Variants in AHI1 observed in about 807,000 individuals in gnomAD.
AHI1 encodes the protein jouberin.
A neutral mutation model predicts 149.3 loss-of-function variants in AHI1; 123 were observed. The observed-to-expected ratio is 0.82, with a 90% confidence interval of 0.71 to 0.96. The LOEUF is 0.96. AHI1 is among the 40% of genes least tolerant of loss of function. The pLI, the probability that AHI1 is intolerant of heterozygous loss-of-function variation, is 0.00. For missense variants in AHI1, 1,439 were observed against 1,422.7 expected (o/e 1.01, Z -0.18); for synonymous variants, 475 against 459.8 (o/e 1.03, Z -0.42).
At chr6:135,354,150 T>C (rs1269019022) in intron 24 of AHI1, among the ~76,000 whole-genome samples, 1 of 152,170 alleles carries the variant, frequency 6.6e-6, no homozygotes, top group Non-Finnish European at 1.5e-5. Flanking sequence ...AAAATCCATT[T>C]GCTAAAAGAA....
At chr6:135,469,157 C>T (rs1180578607) in intron 5 of AHI1, among the ~76,000 whole-genome samples, 1 of 152,174 alleles carries the variant, frequency 6.6e-6, no homozygotes, top group East Asian at 1.9e-4. Flanking sequence ...AAAGCTTATC[C>T]ACCACCATCA....
intron 24 of AHI1, among the ~76,000 whole-genome samples, chr6:135,331,674 T>C (rs1389819487): frequency 6.6e-6 from 1 of 152,204 alleles, no homozygotes; most frequent in East Asian, 1.9e-4. Context: ...CAATAATTGA[T>C]GTTCGTAATA....
intron 23 of AHI1, among the ~76,000 whole-genome samples, chr6:135,381,802 C>G (rs922266727): frequency 6.6e-6 from 1 of 152,200 alleles, no homozygotes; most frequent in Non-Finnish European, 1.5e-5. Context: ...GCTGGACTCC[C>G]CAGATAGACT....
At position 135,448,117 on chromosome 6, in the gene AHI1, A is replaced by C. The variant is rs181158062; in HGVS notation, c.1626+173T>G. Reference sequence around the variant, plus strand: ...TACTAAAAGCCACATTTCACATTTAAAATTCATTTAAGCATCTTTTAAATA... The same window carrying C: ...TACTAAAAGCCACATTTCACATTTACAATTCATTTAAGCATCTTTTAAATA... On this transcript the variant is annotated intron_variant, in intron 12 of 28. Transcript: ENST00000265602. Among the ~76,000 whole-genome samples, 4 of 152,350 alleles carry C rather than the reference A, an allele frequency of 2.6e-5. No homozygotes were observed. In the East Asian group the frequency reaches 7.7e-4, roughly 29 times the overall value.
chr6:135,341,840 A>G (rs557640277), intron 24 of AHI1, among the ~76,000 whole-genome samples: 1 of 152,090 alleles, frequency 6.6e-6, no homozygotes, highest in South Asian at 2.1e-4. Context: ...ATAGCTGTAA[A>G]TGTTTTTATT....
chr6:135,464,868 G>A (rs1790491660), intron 7 of AHI1, among the ~76,000 whole-genome samples: 1 of 152,198 alleles, frequency 6.6e-6, no homozygotes, highest in Non-Finnish European at 1.5e-5. Flanking sequence ...TGCAACCTGT[G>A]ATTGACAGAG....
intron 5 of AHI1, among the ~76,000 whole-genome samples, chr6:135,489,361 T>C (rs547506097): frequency 1.3e-5 from 2 of 152,188 alleles, no homozygotes; most frequent in Non-Finnish European, 2.9e-5. Context: ...CCATTTAATT[T>C]AAACCTTGGT....
At chr6:135,421,580 G>A (rs758445193) in intron 20 of AHI1, among the ~76,000 whole-genome samples, 1 of 151,844 alleles carries the variant, frequency 6.6e-6, no homozygotes, top group Non-Finnish European at 1.5e-5. Context: ...GAATGCCAGC[G>A]CTCTCTTACT....
At chr6:135,300,325 C>CAAA (rs557417336) in intron 27 of AHI1, among the ~76,000 whole-genome samples, 175 bp downstream of exon 27, 1 of 65,908 alleles carries the variant, frequency 1.5e-5, no homozygotes, top group African/African-American at 5.8e-5. Flanking sequence ...ACTCTGTCTC[C>CAAA]AAAAAAAAAA....
chr6:135,465,774 T>C, intron 7 of AHI1, 40 bp downstream of exon 7: 8 of 1,413,070 alleles, frequency 5.7e-6, no homozygotes, highest in Non-Finnish European at 7.5e-6. Flanking sequence ...TAACAGTGTT[T>C]TTCTAAGAGG....
At chr6:135,396,796 T>TA (rs1779276212) in intron 22 of AHI1, among the ~76,000 whole-genome samples, 1 of 151,630 alleles carries the variant, frequency 6.6e-6, no homozygotes, top group South Asian at 2.1e-4. Flanking sequence ...GATATATCTA[T>TA]ATACACACAC....
At chr6:135,414,563 C>T (rs1023703919) in intron 20 of AHI1, among the ~76,000 whole-genome samples, 2 of 151,858 alleles carry the variant, frequency 1.3e-5, no homozygotes, top group Non-Finnish European at 2.9e-5. Context: ...ACACAAAACA[C>T]AAAGAAATCT....
At chr6:135,330,703 C>T (rs909478423) in intron 24 of AHI1, among the ~76,000 whole-genome samples, 12 of 152,118 alleles carry the variant, frequency 7.9e-5, no homozygotes, top group East Asian at 1.9e-4. Context: ...TGCCGGCAGC[C>T]GAATCTAACC....
intron 23 of AHI1, among the ~76,000 whole-genome samples, chr6:135,378,688 A>G (rs1032964396): frequency 6.6e-6 from 1 of 152,232 alleles, no homozygotes; most frequent in African/African-American, 2.4e-5. Context: ...ATAGATTAAC[A>G]TAGATTTAAC....
At chr6:135,311,072 C>T (rs926441384) in intron 26 of AHI1, among the ~76,000 whole-genome samples, 12 of 151,870 alleles carry the variant, frequency 7.9e-5, no homozygotes, top group African/African-American at 2.7e-4. Flanking sequence ...GAGGCTGAGG[C>T]GCGCAGATCA....
intron 26 of AHI1, chr6:135,302,844 G>A: frequency 1.6e-6 from 2 of 1,287,668 alleles, no homozygotes; most frequent in Non-Finnish European, 1.0e-6. Flanking sequence ...CCCCAAGGCT[G>A]GTGTTCAATC....
intron 8 of AHI1, 36 bp from the exon 9 acceptor site, chr6:135,457,749 A>C: frequency 6.4e-7 from 1 of 1,563,904 alleles, no homozygotes. Flanking sequence ...TGTTATAATT[A>C]GTTGTTCCCA....
chr6:135,343,678 A>G (rs1210809174), intron 24 of AHI1, among the ~76,000 whole-genome samples: 1 of 151,366 alleles, frequency 6.6e-6, no homozygotes, highest in Non-Finnish European at 1.5e-5. Flanking sequence ...AAAAACCCCC[A>G]CTTTTTTCAA....
intron 9 of AHI1, 105 bp from the exon 10 acceptor site, chr6:135,456,031 T>C: frequency 1.4e-6 from 1 of 711,154 alleles, no homozygotes. Flanking sequence ...TGAATAGTCA[T>C]AATAATACAA....
Sources: gnomAD v4.1 joint callset for allele counts (sites outside exome capture counted in the v4.1 genomes callset) on GRCh38, gnomAD v4.1.1 for gene constraint, MANE v1.5 for transcripts, NCBI Gene and HGNC (gene_info 2026-07-23, HGNC 2026-07-21) for gene names.